ACOX3: variants seen among roughly 807,000 people sequenced by gnomAD.
ACOX3 encodes acyl-CoA oxidase 3, pristanoyl.
Under a neutral mutation model 81.5 loss-of-function variants are expected in ACOX3, and 73 were observed. The ratio of observed to expected loss-of-function variants is 0.90; its 90% confidence interval spans 0.74 to 1.09. The LOEUF is 1.09. Among genes scored for constraint, ACOX3 ranks in the 50% least tolerant of loss-of-function variants. The pLI, the probability that ACOX3 is intolerant of heterozygous loss-of-function variation, is 0.00. For synonymous variants in ACOX3, 387 were observed against 375.1 expected (o/e 1.03, Z -0.37); for missense variants, 947 against 928.0 (o/e 1.02, Z -0.27).
intron 3 of ACOX3, 42 bp downstream of exon 3, chr4:8,415,724 A>C (rs764322968): frequency 1.3e-6 from 2 of 1,576,086 alleles, no homozygotes; most frequent in Admixed American, 3.3e-5. Context: ...GGCTCAGCGC[A>C]GCATGAAAGC....
At chr4:8,440,447 A>G (rs1379421620) in intron 1 of ACOX3, among the ~76,000 whole-genome samples, 1 of 152,238 alleles carries the variant, frequency 6.6e-6, no homozygotes. Flanking sequence ...AAAGCAAACC[A>G]GAACCCAAGT....
In ACOX3 at chr4:8,416,465, C is replaced by G. The variant is rs759072499; in HGVS notation, c.57G>C (p.Gly19=). The change falls in exon 2 of 18, where the codon GGG becomes GGC. Residue 19 remains glycine (G), a synonymous_variant. Coordinates refer to ENST00000356406, the MANE Select transcript of ACOX3 (RefSeq NM_003501.3). The surrounding 1 kb of genome is among the most constrained non-coding windows in gnomAD (Gnocchi z 4.2). ...DTALLPEFPR[G]PLDAYRARAS... ...CTCTTGCTCGGTAGGCATCGAGGGG[C>G]CCCCTGGGGAATTCTGGGAGCAGAG... The G allele has an allele frequency of 4.3e-6, 7 of 1,613,982 alleles. No individual in the cohort carries two copies. In the Admixed American group the frequency reaches 1.2e-4, roughly 27 times the overall value.
chr4:8,378,676 G>A (rs1717271789), intron 14 of ACOX3, among the ~76,000 whole-genome samples: 2 of 152,210 alleles, frequency 1.3e-5, no homozygotes, highest in African/African-American at 4.8e-5. Flanking sequence ...TGTATCTACT[G>A]GCTGTTGAAC....
At chr4:8,409,890 G>C (rs1423492222) in intron 6 of ACOX3, among the ~76,000 whole-genome samples, 1 of 151,556 alleles carries the variant, frequency 6.6e-6, no homozygotes, top group Non-Finnish European at 1.5e-5. Flanking sequence ...CACTGTGGGC[G>C]GGGCTGTAGG....
In ACOX3 at chr4:8,399,620, C is replaced by A; in HGVS notation, c.809G>T (p.Arg270Leu). The change falls in exon 8 of 18, where the codon CGC becomes CTC. Residue 270 changes from arginine to leucine, a missense_variant. Arg to Leu is a moderately radical substitution (Grantham distance 102). Transcript: ENST00000356406. The surrounding 1 kb of genome is among the most constrained non-coding windows in gnomAD (Gnocchi z 4.9). The stretch of plus-strand genomic sequence containing the variant: ...TCCCATCCGGTTCAGAAGGCTCTGG[C>A]GAGGAACTCTGACCTTGTGGAACAT... ...FAMFHKVRVP[R>L]QSLLNRMGDV... The A allele has an allele frequency of 6.2e-7, 1 of 1,614,116 alleles. No homozygotes were observed. The highest frequency in any genetic ancestry group is 8.5e-7 in the Non-Finnish European group (1 of 1,180,022).
At position 8,400,250 on chromosome 4, in the gene ACOX3, C is replaced by CAATAATAATAATAAT. The variant is rs3068615; in HGVS notation, c.777-613_777-599dup. On this transcript the variant is annotated intron_variant, in intron 7 of 17. Transcript: ENST00000356406. The surrounding 1 kb of genome is among the most constrained non-coding windows in gnomAD (Gnocchi z 4.4). ...TTGGTGACAGAGCAAGACTCCACCT[C>CAATAATAATAATAAT]AATAATAATAATAATAATAATAATA... 1.4e-3 allele frequency among the ~76,000 whole-genome samples: 204 copies of CAATAATAATAATAAT among 146,292 alleles called. 1 individual carries two copies. The highest frequency in any genetic ancestry group is 3.2e-3 in the African/African-American group (127 of 39,342).
At chr4:8,362,721 G>T (rs1356323468), downstream of ACOX3, among the ~76,000 whole-genome samples, 1 of 152,210 alleles carries the variant, frequency 6.6e-6, no homozygotes, top group South Asian at 2.1e-4. Context: ...GACAGGTCCA[G>T]TAGCCCCAAG....
Position 8,367,229 on chromosome 4 carries a change from C to T in ACOX3, c.1984-149G>A, listed in dbSNP as rs995923705. On this transcript the variant is annotated intron_variant, in intron 17 of 17. Coordinates refer to ENST00000356406, the MANE Select transcript of ACOX3 (RefSeq NM_003501.3). ...GCACAGTGGCTCACGCCCGTAATCC[C>T]AGCATTTTGGGAGGCCGAGGTAGGC... 12 of 1,090,078 alleles carry T rather than the reference C, an allele frequency of 1.1e-5. No individual in the cohort carries two copies. The African/African-American group carries it at 1.4e-4, about 13-fold the overall frequency. 67.5% of individuals were successfully genotyped at this position (1,090,078 alleles called of 1,614,324 possible).
Position 8,407,730 on chromosome 4 carries a change from T to C in ACOX3, c.688-1687A>G, listed in dbSNP as rs1721155740. Among the ~76,000 whole-genome samples the C allele has an allele frequency of 6.6e-6, 1 of 152,240 alleles. No individual in the cohort carries two copies. Among genetic ancestry groups the C allele is most frequent in the South Asian group, 2.1e-4 (1 of 4,826 alleles). On this transcript the variant is annotated intron_variant, in intron 6 of 17. Transcript: ENST00000356406. The surrounding 1 kb of genome is among the most constrained non-coding windows in gnomAD (Gnocchi z 4.6). ...GTGGGAGAAACGGCTATGAATATTC[T>C]GGTCAATCACCGCTCCCCAAGATAC...
rs1219146605 is a variant in ACOX3, at chr4:8,437,191, T to A, written c.-15+3457A>T. On this transcript the variant is annotated intron_variant, in intron 1 of 17. Coordinates refer to ENST00000356406, the MANE Select transcript of ACOX3 (RefSeq NM_003501.3). The surrounding 1 kb of genome is among the most constrained non-coding windows in gnomAD (Gnocchi z 5.2). The stretch of plus-strand genomic sequence containing the variant: ...TTTGTAAAGCAAGCCCAGGGTAACA[T>A]CAAGCAGAAGCTACAGGCATGAATA... 6.7e-6 allele frequency among the ~76,000 whole-genome samples: 1 copy of A among 148,710 alleles called. No homozygotes were observed. The highest frequency in any genetic ancestry group is 2.0e-4 in the East Asian group (1 of 5,058).
rs545792472 is a variant in ACOX3, at chr4:8,432,650, G to T, written c.-15+7998C>A. ...GCCCTGGAAGGTAATGGGGGCTGCT[G>T]TGAAGTGGCTGGAGCCATCATTCTG... On this transcript the variant is annotated intron_variant, in intron 1 of 17. Coordinates refer to ENST00000356406, the MANE Select transcript of ACOX3 (RefSeq NM_003501.3). The surrounding 1 kb of genome is among the most constrained non-coding windows in gnomAD (Gnocchi z 6.2). Among the ~76,000 whole-genome samples the T allele has an allele frequency of 1.3e-5, 2 of 152,334 alleles. No individual in the cohort carries two copies. Among genetic ancestry groups the T allele is most frequent in the African/African-American group, 4.8e-5 (2 of 41,578 alleles).
intron 1 of ACOX3, among the ~76,000 whole-genome samples, chr4:8,418,982 GA>G (rs2108996708): frequency 7.5e-6 from 1 of 132,938 alleles, no homozygotes; most frequent in South Asian, 2.8e-4. Flanking sequence ...CATCCACTAG[GA>G]TGGCAATGAG....
downstream of ACOX3, among the ~76,000 whole-genome samples, chr4:8,362,604 T>C (rs1041381309): frequency 4.6e-5 from 7 of 152,252 alleles, no homozygotes; most frequent in Non-Finnish European, 8.8e-5. Context: ...GAATCAAACT[T>C]GACTTGTAAA....
At chr4:8,440,367 A>C (rs1352657298) in intron 1 of ACOX3, among the ~76,000 whole-genome samples, 1 of 152,236 alleles carries the variant, frequency 6.6e-6, no homozygotes, top group Non-Finnish European at 1.5e-5. Context: ...GGACAACGTT[A>C]CATCATTCTT....
rs770940354 is a variant in ACOX3 at position 8,392,365 on chromosome 4, C to A, written c.1268G>T (p.Arg423Leu). 1 of 1,606,216 alleles carries A rather than the reference C, an allele frequency of 6.2e-7. No individual in the cohort carries two copies. The highest frequency in any genetic ancestry group is 2.3e-5 in the East Asian group (1 of 44,294). The change falls in exon 11 of 18, where the codon CGG (arginine) becomes CTG (leucine). Residue 423 changes from arginine to leucine, a missense_variant. By Grantham distance (102) the Arg-to-Leu change is moderately radical (BLOSUM62 -2). Coordinates refer to ENST00000356406, the MANE Select transcript of ACOX3 (RefSeq NM_003501.3). ...WTTQQGIQECREACGGHGYLA... is the reference protein window; with the variant it reads ...WTTQQGIQECLEACGGHGYLA... ...ATAGCCGTGTCCTCCACACGCCTCC[C>A]GGCATTCCTGAATTCCTTGCTGGGT...
At chr4:8,361,715 C>A (rs988556809), downstream of ACOX3, among the ~76,000 whole-genome samples, 7 of 152,062 alleles carry the variant, frequency 4.6e-5, no homozygotes, top group African/African-American at 9.7e-5. Flanking sequence ...TACCTTATGG[C>A]CAAACTGATT....
At position 8,399,493 on chromosome 4, in the gene ACOX3, C is replaced by A; in HGVS notation, c.873+63G>T. ...TCCAGGTGCAGGGAGGAGCACAGAG[C>A]CAGGCCCTGCAGAGGAAGGCACCTG... On this transcript the variant is annotated intron_variant, in intron 8 of 17. Coordinates refer to ENST00000356406, the MANE Select transcript of ACOX3 (RefSeq NM_003501.3). This position sits in a 1 kb window ranked among gnomAD's most constrained non-coding sequence, Gnocchi z 4.9. 7.1e-7 allele frequency: 1 copy of A among 1,414,926 alleles called. No individual in the cohort carries two copies. 87.6% of individuals were successfully genotyped at this position (1,414,926 alleles called of 1,614,324 possible).
chr4:8,428,519 A>C lies in ACOX3; in HGVS notation c.-14-11984T>G, dbSNP rs556462909. The C allele has an allele frequency of 2.6e-5, 4 of 152,402 alleles. No homozygotes were observed. In the East Asian group the frequency reaches 7.7e-4, roughly 29 times the overall value. 9.4% of individuals were successfully genotyped at this position (152,402 alleles called of 1,614,324 possible). A position where few individuals can be genotyped will look rare whatever the true frequency, so the allele number is the denominator to read the frequency against. On this transcript the variant is annotated intron_variant, in intron 1 of 17. Transcript: ENST00000356406. ...GCGGAGCCGCGGGCGCCCTGACGTC[A>C]TCGAACCGCGCCACCCTCGTTGCCC...
At chr4:8,420,646 C>G (rs112774841) in intron 1 of ACOX3, among the ~76,000 whole-genome samples, 30 of 152,336 alleles carry the variant, frequency 2.0e-4, no homozygotes, top group African/African-American at 7.2e-4. Flanking sequence ...GGGTACCCCC[C>G]CGTTGAATGG....
Sources: gnomAD v4.1 joint callset for allele counts (sites outside exome capture counted in the v4.1 genomes callset) on GRCh38, gnomAD v4.1.1 for gene constraint, Gnocchi (gnomAD v3.1) non-coding constraint, MANE v1.5 for transcripts, NCBI Gene and HGNC (gene_info 2026-07-23, HGNC 2026-07-21) for gene names.